VKORC1: variants seen among roughly 807,000 people sequenced by gnomAD.
The protein encoded by VKORC1 is vitamin K epoxide reductase complex subunit 1, also known as phylloquinone epoxide reductase.
In VKORC1, 12 loss-of-function variants were observed where a neutral mutation model predicts 14.8. That is an observed-to-expected ratio of 0.81 (90% CI 0.52 to 1.31). VKORC1 has a LOEUF of 1.31. Among genes scored for constraint, VKORC1 ranks in the 50% most tolerant of loss-of-function variants. The pLI, the probability that VKORC1 is intolerant of heterozygous loss-of-function variation, is 0.00. For synonymous variants in VKORC1, 94 were observed against 92.5 expected (o/e 1.02, Z -0.09); for missense variants, 223 against 215.3 (o/e 1.04, Z -0.22).
At chr16:31,091,873 C>T (rs1396063018) in intron 2 of VKORC1, among the ~76,000 whole-genome samples, 1 of 150,656 alleles carries the variant, frequency 6.6e-6, no homozygotes, top group East Asian at 2.0e-4. Flanking sequence ...GCAGCAAGAG[C>T]AAGACTTCGT....
Position 31,094,711 on chromosome 16 carries a change from TC to T in VKORC1, c.18del (p.Ser7AlafsTer11). 1.2e-6 allele frequency: 2 copies of T among 1,607,038 alleles called. No individual in the cohort carries two copies. Among genetic ancestry groups the T allele is most frequent in the South Asian group, 1.1e-5 (1 of 90,478 alleles). On this transcript the variant is annotated frameshift_variant, in exon 1 of 3. Coordinates refer to ENST00000394975, the MANE Select transcript of VKORC1 (RefSeq NM_024006.6). LOFTEE classifies it high-confidence loss of function. Reference sequence around the variant, plus strand: ...AGAGCGAGCCGCACCCAGCCAGGGCTCCCCCAGGTGCTGCCCATTATCTCCA... The same window carrying T: ...AGAGCGAGCCGCACCCAGCCAGGGCTCCCCAGGTGCTGCCCATTATCTCCA... MGSTW[G>X]SPGWVRLALC...
Position 31,091,302 on chromosome 16 carries a change from C to T in VKORC1, c.324G>A (p.Leu108=), listed in dbSNP as rs2057288238. The change falls in exon 3 of 3, where the codon CTG becomes CTA. Residue 108 remains leucine (L), a synonymous_variant. Coordinates refer to ENST00000394975, the MANE Select transcript of VKORC1 (RefSeq NM_024006.6). ...AACCAGCGAGAGACACCAGGGAGCT[C>T]AGCAGCATCAGGACAGAGGCCCAGC... ...RTRWASVLML[L]SSLVSLAGSV... is the part of the protein sequence containing the mutation. The T allele has an allele frequency of 6.2e-7, 1 of 1,613,998 alleles. No individual in the cohort carries two copies. The highest frequency in any genetic ancestry group is 8.5e-7 in the Non-Finnish European group (1 of 1,180,038).
chr16:31,091,901 C>T (rs1567420907), intron 2 of VKORC1, among the ~76,000 whole-genome samples: 1 of 151,404 alleles, frequency 6.6e-6, no homozygotes, highest in Non-Finnish European at 1.5e-5. Context: ...AAAAAATGCC[C>T]GGTGAGGTTG....
rs1220607858 is a variant in VKORC1, at chr16:31,093,308, T to C, written c.283+4A>G. ...GCGGGCAGGGAGGGGGCGGAGCCAC[T>C]CACCTAACAATAGCTGTAGTGTGTA... is the stretch of plus-strand genomic sequence containing the variant. On this transcript the variant is annotated splice_donor_region_variant and intron_variant, in intron 2 of 2. Coordinates refer to ENST00000394975, the MANE Select transcript of VKORC1 (RefSeq NM_024006.6). The C allele has an allele frequency of 3.7e-6, 6 of 1,612,854 alleles. No individual in the cohort carries two copies. The highest frequency in any genetic ancestry group is 5.1e-6 in the Non-Finnish European group (6 of 1,179,940).
chr16:31,093,436 G>A lies in VKORC1; in HGVS notation c.174-15C>T, dbSNP rs767401782. On this transcript the variant is annotated splice_polypyrimidine_tract_variant and intron_variant, in intron 1 of 2. Transcript: ENST00000394975. ...CCCTGCCCCACCTGGCAGAGGGGTG[G>A]GGTGGGGTGGAACCAGGTTAGGACT... The A allele has an allele frequency of 3.1e-6, 5 of 1,614,140 alleles. No homozygotes were observed. In the South Asian group the frequency reaches 3.3e-5, roughly 11 times the overall value.
Position 31,091,293 on chromosome 16 carries a change from C to T in VKORC1, c.333G>A (p.Leu111=), listed in dbSNP as rs2057287994. ...GGTAGACAGAACCAGCGAGAGACAC[C>T]AGGGAGCTCAGCAGCATCAGGACAG... ...WASVLMLLSS[L]VSLAGSVYLA... is the part of the protein sequence containing the mutation. Residue 111 remains leucine, a synonymous_variant, in exon 3 of 3, where the codon CTG becomes CTA. Coordinates refer to ENST00000394975, the MANE Select transcript of VKORC1 (RefSeq NM_024006.6). The T allele has an allele frequency of 6.2e-7, 1 of 1,614,136 alleles. No individual in the cohort carries two copies. Among genetic ancestry groups the T allele is most frequent in the Non-Finnish European group, 8.5e-7 (1 of 1,180,036 alleles).
At chr16:31,094,336 C>T in intron 1 of VKORC1, 1 of 1,612,908 alleles carries the variant, frequency 6.2e-7, no homozygotes, top group Non-Finnish European at 8.5e-7. Context: ...ACGTGCGAGT[C>T]CCCGGAATAA....
chr16:31,092,911 G>A, intron 2 of VKORC1: 1 of 519,110 alleles, frequency 1.9e-6, no homozygotes, highest in Non-Finnish European at 3.1e-6. Context: ...GCATAGTGGT[G>A]CACGCCTGTG....
chr16:31,090,900 C>CAAT lies in VKORC1; in HGVS notation c.*231_*233dup. On this transcript the variant is annotated 3_prime_UTR_variant, in exon 3 of 3. Transcript: ENST00000394975. ...TTGCTCAGAACCTTCCCTCCCTGGG[C>CAAT]AATGGAAAGAGCTTTGGAGACCAGC... The CAAT allele has an allele frequency of 1.6e-6, 1 of 622,540 alleles. No individual in the cohort carries two copies. The highest frequency in any genetic ancestry group is 2.7e-6 in the Non-Finnish European group (1 of 365,534). The allele number at this position is 622,540 out of a possible 1,614,324, so 38.6% of individuals were successfully genotyped here.
chr16:31,092,344 G>T (rs1001690297), intron 2 of VKORC1, among the ~76,000 whole-genome samples: 3 of 148,072 alleles, frequency 2.0e-5, no homozygotes, highest in African/African-American at 7.4e-5. Flanking sequence ...AAAAAAAAAA[G>T]AAGGCTTCAA....
chr16:31,094,048 C>A lies in VKORC1; in HGVS notation c.173+509G>T, dbSNP rs917211915. The A allele has an allele frequency of 8.1e-6, 9 of 1,111,342 alleles. No homozygotes were observed. The African/African-American group carries it at 1.4e-4, about 17-fold the overall frequency. 68.8% of individuals were successfully genotyped at this position (1,111,342 alleles called of 1,614,324 possible). A position where few individuals can be genotyped will look rare whatever the true frequency, so the allele number is the denominator to read the frequency against. On this transcript the variant is annotated intron_variant, in intron 1 of 2. Coordinates refer to ENST00000394975, the MANE Select transcript of VKORC1 (RefSeq NM_024006.6). The stretch of plus-strand genomic sequence containing the variant: ...GGCAAGGCTGGTATAACGGTTCACT[C>A]GGTTTTGCATCAGAGACTGGGAGTC...
intron 1 of VKORC1, chr16:31,094,302 C>T (rs2057312580): frequency 6.2e-7 from 1 of 1,612,860 alleles, no homozygotes; most frequent in Non-Finnish European, 8.5e-7. Context: ...TTCCTGGTCA[C>T]CGTTATTCCT....
At position 31,093,324 on chromosome 16, in the gene VKORC1, G is replaced by A. The variant is rs1379140674; in HGVS notation, c.271C>T (p.Gln91Ter). The part of the protein sequence containing the change: ...SIFGCIFYTL[Q>*]LLLGCLRTRW... ...CGGAGCCACTCACCTAACAATAGCT[G>A]TAGTGTGTAGAAGATGCAACCGAAT... The change falls in exon 2 of 3, where the codon CAG (glutamine) becomes TAG (stop). Residue 91 changes from glutamine to a stop codon, truncating the protein, a stop_gained. Coordinates refer to ENST00000394975, the MANE Select transcript of VKORC1 (RefSeq NM_024006.6). LOFTEE classifies it high-confidence loss of function. The A allele has an allele frequency of 1.9e-6, 3 of 1,613,850 alleles. No homozygotes were observed. Among genetic ancestry groups the A allele is most frequent in the Non-Finnish European group, 2.5e-6 (3 of 1,180,012 alleles).
At position 31,094,770 on chromosome 16, in the gene VKORC1, G is replaced by A; in HGVS notation, c.-41C>T. ...CCCGAGGCGCCCGCGGAGAAAACCA[G>A]CCACGGAGCAGGGGCCGGGCGGCGA... On this transcript the variant is annotated 5_prime_UTR_variant, in exon 1 of 3. Transcript: ENST00000394975. The A allele has an allele frequency of 1.3e-6, 2 of 1,564,626 alleles. No homozygotes were observed. The highest frequency in any genetic ancestry group is 1.9e-4 in the Middle Eastern group (1 of 5,316).
chr16:31,094,348 C>T, intron 1 of VKORC1: 1 of 1,612,928 alleles, frequency 6.2e-7, no homozygotes, highest in Non-Finnish European at 8.5e-7. Context: ...CCGGAATAAT[C>T]CCAGTCCCCA....
intron 1 of VKORC1, chr16:31,094,187 C>T (rs1344215715): frequency 5.7e-6 from 9 of 1,583,012 alleles, no homozygotes; most frequent in African/African-American, 4.0e-5. Flanking sequence ...ACAGCCAGAC[C>T]GGGCCACCTT....
At chr16:31,093,766 G>C in intron 1 of VKORC1, 1 of 266,884 alleles carries the variant, frequency 3.7e-6, no homozygotes, top group Non-Finnish European at 6.8e-6. Context: ...GAGTGCAGTG[G>C]CGCGATCTCG....
rs771926789 is a variant in VKORC1, at chr16:31,091,271, A to T, written c.355T>A (p.Tyr119Asn). The T allele has an allele frequency of 2.5e-6, 4 of 1,614,190 alleles. No homozygotes were observed. Among genetic ancestry groups the T allele is most frequent in the Non-Finnish European group, 3.4e-6 (4 of 1,180,036 alleles). ...SSLVSLAGSVYLAWILFFVLY... is the reference protein window; with the variant it reads ...SSLVSLAGSVNLAWILFFVLY... ...ACGAAGAACAGGATCCAGGCCAGGTAGACAGAACCAGCGAGAGACACCAGG... is the reference window on the plus strand; with the variant it reads ...ACGAAGAACAGGATCCAGGCCAGGTTGACAGAACCAGCGAGAGACACCAGG... The change falls in exon 3 of 3, where the codon TAC (tyrosine) becomes AAC (asparagine). Residue 119 changes from tyrosine to asparagine, a missense_variant. Transcript: ENST00000394975.
chr16:31,092,129 G>C (rs1365262795), intron 2 of VKORC1, among the ~76,000 whole-genome samples: 1 of 127,978 alleles, frequency 7.8e-6, no homozygotes, highest in Non-Finnish European at 1.6e-5. Context: ...AGTGAGCCAA[G>C]ATCGTGCCAC....
Sources: gnomAD v4.1 joint callset for allele counts (sites outside exome capture counted in the v4.1 genomes callset) on GRCh38, gnomAD v4.1.1 for gene constraint, MANE v1.5 for transcripts, NCBI Gene and HGNC (gene_info 2026-07-23, HGNC 2026-07-21) for gene names.